The following ZNF385D variants were observed in gnomAD, a reference collection of about 807,000 sequenced individuals.
The protein encoded by ZNF385D is zinc finger protein 659.
Under a neutral mutation model 35.8 loss-of-function variants are expected in ZNF385D, and 15 were observed. The ratio of observed to expected loss-of-function variants is 0.42; its 90% CI spans 0.28 to 0.64. The LOEUF (loss-of-function observed/expected upper bound fraction) is 0.64, where lower values mean the gene tolerates loss of function less well. ZNF385D is among the 30% of genes least tolerant of loss of function. ZNF385D has a pLI of 0.23. For synonymous variants in ZNF385D, 212 were observed against 186.8 expected (o/e 1.13, Z -1.10); for missense variants, 474 against 494.6 (o/e 0.96, Z 0.39).
chr3:21,693,005 T>C (rs2067333940), intron 1 of ZNF385D, among the ~76,000 whole-genome samples: 1 of 152,212 alleles, frequency 6.6e-6, no homozygotes, highest in Non-Finnish European at 1.5e-5. Context: ...TGTGAGTTCC[T>C]AATAACCTCT....
intron 3 of ZNF385D, among the ~76,000 whole-genome samples, chr3:21,919,427 C>T (rs1169295931): frequency 1.3e-5 from 2 of 152,128 alleles, no homozygotes; most frequent in Non-Finnish European, 2.9e-5. Context: ...TAGGCATTTA[C>T]CAATAGTCAC....
chr3:21,577,153 CCTCCTTTT>C (rs374839438), intron 2 of ZNF385D, among the ~76,000 whole-genome samples: 5 of 152,288 alleles, frequency 3.3e-5, no homozygotes, highest in African/African-American at 1.2e-4. Flanking sequence ...TTCTCCTTAT[CCTCCTTTT>C]CTCCCTATAC....
chr3:22,078,040 G>C (rs1035380445), intron 3 of ZNF385D, among the ~76,000 whole-genome samples: 2 of 151,960 alleles, frequency 1.3e-5, no homozygotes, highest in African/African-American at 4.8e-5. Context: ...CAAAACTGAA[G>C]ACAATCTATC....
At chr3:21,788,525 T>G (rs904574159) in intron 3 of ZNF385D, among the ~76,000 whole-genome samples, 1 of 152,212 alleles carries the variant, frequency 6.6e-6, no homozygotes, top group Non-Finnish European at 1.5e-5. Flanking sequence ...ATCAGAAATT[T>G]TGTTCTCATT....
intron 1 of ZNF385D, among the ~76,000 whole-genome samples, chr3:21,668,160 G>A (rs1458630361): frequency 6.6e-6 from 1 of 152,126 alleles, no homozygotes; most frequent in East Asian, 1.9e-4. Context: ...TTGGAGTGCT[G>A]GTGGCTGATG....
intron 3 of ZNF385D, among the ~76,000 whole-genome samples, chr3:21,998,071 C>T (rs550996406): frequency 6.6e-6 from 1 of 152,184 alleles, no homozygotes; most frequent in African/African-American, 2.4e-5. Context: ...ATGCTATATG[C>T]CACTCCCACC....
In ZNF385D at chr3:21,717,916, G is replaced by A. The variant is rs561803591; in HGVS notation, c.22+32979C>T. Among the ~76,000 whole-genome samples the A allele has an allele frequency of 4.5e-4, 68 of 152,232 alleles. 2 individuals carry two copies. Among genetic ancestry groups the A allele is most frequent in the South Asian group, 3.7e-3 (18 of 4,814 alleles). ...AAAAATGGACTACTACATTCCTATA[G>A]CAAAGCTTCTCAAATTCTCGTCTGC... On this transcript the variant is annotated intron_variant, in intron 1 of 7. Transcript: ENST00000281523.
rs115624081 is a variant in ZNF385D at position 22,128,404 on chromosome 3, T to C, written c.325+40413A>G. Among the ~76,000 whole-genome samples the C allele has an allele frequency of 8.3e-3, 1,269 of 152,266 alleles. 12 individuals are homozygous for C. The highest frequency in any genetic ancestry group is 0.022 in the South Asian group (107 of 4,814). On this transcript the variant is annotated intron_variant, in intron 3 of 5. Coordinates refer to the ZNF385D transcript ENST00000494108. ...AAATCTTCTTGGTGTTTTATAACCT[T>C]CTTGTAGCTGAATATTTAATATCTT...
intron 2 of ZNF385D, among the ~76,000 whole-genome samples, chr3:22,181,751 G>A (rs1308951150): frequency 6.6e-6 from 1 of 151,632 alleles, no homozygotes; most frequent in African/African-American, 2.4e-5. Context: ...TACATCATGA[G>A]TGGGATTATG....
At chr3:21,584,672 C>T (rs1302779656) in intron 2 of ZNF385D, among the ~76,000 whole-genome samples, 1 of 151,952 alleles carries the variant, frequency 6.6e-6, no homozygotes. Context: ...GTTTCTTTTT[C>T]CCTTTATTTT....
chr3:21,923,154 G>A (rs2125227197), intron 3 of ZNF385D, among the ~76,000 whole-genome samples: 1 of 152,158 alleles, frequency 6.6e-6, no homozygotes, highest in South Asian at 2.1e-4. Context: ...ATTTACATTA[G>A]GTATATCTCC....
At chr3:22,089,591 C>A (rs1248031749) in intron 3 of ZNF385D, among the ~76,000 whole-genome samples, 1 of 152,094 alleles carries the variant, frequency 6.6e-6, no homozygotes, top group Non-Finnish European at 1.5e-5. Flanking sequence ...CTCATGACCT[C>A]CGTGGCCTTT....
intron 5 of ZNF385D, among the ~76,000 whole-genome samples, chr3:21,428,460 AGC>A (rs1187188362): frequency 2.6e-5 from 4 of 152,160 alleles, no homozygotes; most frequent in African/African-American, 7.2e-5. Flanking sequence ...AGAATTTCTA[AGC>A]CACCTGAATT....
At chr3:21,476,517 T>G (rs1559329051) in intron 4 of ZNF385D, among the ~76,000 whole-genome samples, 1 of 152,020 alleles carries the variant, frequency 6.6e-6, no homozygotes, top group Non-Finnish European at 1.5e-5. Context: ...CATATATTGG[T>G]TTGAATTATG....
chr3:22,000,727 G>C (rs941508650), intron 3 of ZNF385D, among the ~76,000 whole-genome samples: 30 of 150,692 alleles, frequency 2.0e-4, no homozygotes, highest in Admixed American at 2.0e-3. Context: ...TACAGGCCAG[G>C]AGAGAATGGG....
intron 3 of ZNF385D, among the ~76,000 whole-genome samples, chr3:22,046,509 T>C (rs1699016249): frequency 6.6e-6 from 1 of 152,202 alleles, no homozygotes; most frequent in Admixed American, 6.5e-5. Context: ...CCATGTGTGC[T>C]AAGTGGAATG....
chr3:22,292,940 T>G (rs779889442), intron 2 of ZNF385D, among the ~76,000 whole-genome samples: 1 of 152,088 alleles, frequency 6.6e-6, no homozygotes, highest in Non-Finnish European at 1.5e-5. Context: ...TTCCTGTTTT[T>G]CCCTTTAGAC....
chr3:21,971,290 T>C (rs778116989), intron 3 of ZNF385D, among the ~76,000 whole-genome samples: 1 of 151,840 alleles, frequency 6.6e-6, no homozygotes, highest in Admixed American at 6.6e-5. Context: ...AATAAATAAA[T>C]GGAAAAAACA....
intron 2 of ZNF385D, among the ~76,000 whole-genome samples, chr3:22,361,800 C>G (rs1232896324): frequency 6.6e-6 from 1 of 151,900 alleles, no homozygotes; most frequent in East Asian, 1.9e-4. Context: ...AATCACTTGA[C>G]CTTTCTTAGT....
Sources: allele counts gnomAD v4.1 joint callset (sites outside exome capture counted in the v4.1 genomes callset), GRCh38; gene constraint gnomAD v4.1.1; transcripts MANE v1.5; gene names NCBI Gene and HGNC (gene_info 2026-07-23, HGNC 2026-07-21).